The following CYREN variants were observed in gnomAD, a reference collection of about 807,000 sequenced individuals.
CYREN encodes the protein cell cycle regulator of NHEJ.
A neutral mutation model predicts 9.7 loss-of-function variants in CYREN; 7 were observed. The observed-to-expected ratio is 0.72, with a 90% CI of 0.41 to 1.36. CYREN has a LOEUF of 1.36. CYREN is among the 40% of genes most tolerant of loss of function. The pLI is 0.01. For synonymous variants in CYREN, 76 were observed against 77.9 expected (o/e 0.98, Z 0.13); for missense variants, 215 against 198.1 (o/e 1.09, Z -0.51).
intron 2 of CYREN, among the ~76,000 whole-genome samples, chr7:135,153,636 A>G (rs1829717945): frequency 6.6e-6 from 1 of 152,236 alleles, no homozygotes; most frequent in Non-Finnish European, 1.5e-5. Context: ...AACCTGGGGT[A>G]TCATATTTAT....
At chr7:135,096,558 A>AAGAAAGATAGATAGATAGAT (rs1303741491) in intron 2 of CYREN, among the ~76,000 whole-genome samples, 41 of 79,730 alleles carry the variant, frequency 5.1e-4, no homozygotes, top group South Asian at 1.2e-3. Flanking sequence ...GAAAGAAAGA[A>AAGAAAGATAGATAGATAGAT]AGATAGATAG....
At chr7:135,096,604 G>GATAC (rs1822841835) in intron 2 of CYREN, among the ~76,000 whole-genome samples, 1 of 79,722 alleles carries the variant, frequency 1.3e-5, no homozygotes, top group Non-Finnish European at 3.0e-5. Context: ...TAGATAGATA[G>GATAC]ATAGATAGAT....
intron 2 of CYREN, among the ~76,000 whole-genome samples, chr7:135,105,899 C>T (rs1824639900): frequency 6.6e-6 from 1 of 152,014 alleles, no homozygotes; most frequent in South Asian, 2.1e-4. Context: ...GTTTATGTCA[C>T]TTCTGATTTC....
At position 135,167,717 on chromosome 7, in the gene CYREN, C is replaced by T; in HGVS notation, c.213+15G>A. ...AGAGTTTCTGGTCATGAGTAAGAGG[C>T]TTGTCTGACTTTACCTCAATCAGGA... On this transcript the variant is annotated intron_variant, in intron 3 of 3. Transcript: ENST00000393114. 6.2e-7 allele frequency: 1 copy of T among 1,613,800 alleles called. No homozygotes were observed. Among genetic ancestry groups the T allele is most frequent in the South Asian group, 1.1e-5 (1 of 91,060 alleles).
chr7:135,158,435 C>A (rs1829848359), intron 2 of CYREN, among the ~76,000 whole-genome samples: 1 of 152,162 alleles, frequency 6.6e-6, no homozygotes, highest in African/African-American at 2.4e-5. Context: ...GGGAGGAGCA[C>A]CTCACAAGTA....
chr7:135,132,851 C>A (rs777817811), intron 2 of CYREN, among the ~76,000 whole-genome samples: 70 of 152,236 alleles, frequency 4.6e-4, no homozygotes, highest in South Asian at 8.3e-4. Flanking sequence ...AATTACCCAG[C>A]ATTGGGTATG....
intron 2 of CYREN, among the ~76,000 whole-genome samples, chr7:135,158,764 C>T (rs1470120995): frequency 6.6e-6 from 1 of 152,222 alleles, no homozygotes; most frequent in African/African-American, 2.4e-5. Context: ...CACAGCAGGG[C>T]AGCAGACCCT....
chr7:135,129,361 T>G (rs10282402), intron 2 of CYREN: 474,223 of 935,964 alleles, frequency 0.51, 124,262 homozygotes, highest in South Asian at 0.65. Flanking sequence ...AATGAATACC[T>G]GCAAGCAGAT....
intron 2 of CYREN, chr7:135,134,805 A>C: frequency 6.5e-7 from 1 of 1,533,074 alleles, no homozygotes; most frequent in Non-Finnish European, 8.8e-7. Context: ...TAGGTCCATG[A>C]TGGACAAAAA....
At chr7:135,098,144 A>G (rs574136194) in intron 2 of CYREN, among the ~76,000 whole-genome samples, 1 of 152,300 alleles carries the variant, frequency 6.6e-6, no homozygotes, top group Admixed American at 6.5e-5. Flanking sequence ...GACAGTTTTG[A>G]AAAGCTGGAA....
chr7:135,168,476 T>A, intron 2 of CYREN: 1 of 433,410 alleles, frequency 2.3e-6, no homozygotes, highest in Non-Finnish European at 4.1e-6. Flanking sequence ...CCATGTTTGT[T>A]GTAAAGGAAG....
chr7:135,110,151 T>G (rs555178766), intron 2 of CYREN, among the ~76,000 whole-genome samples: 1 of 152,020 alleles, frequency 6.6e-6, no homozygotes, highest in Non-Finnish European at 1.5e-5. Context: ...AGTGGCTGGC[T>G]GGAGTTCCAA....
upstream of CYREN, among the ~76,000 whole-genome samples, chr7:135,172,189 T>C (rs368972574): frequency 1.5e-4 from 23 of 151,464 alleles, no homozygotes; most frequent in African/African-American, 5.3e-4. Flanking sequence ...TTGACTTGGC[T>C]TGACTTGGTA....
At chr7:135,128,858 GA>G in intron 2 of CYREN, 1 of 1,242,974 alleles carries the variant, frequency 8.0e-7, no homozygotes, top group Non-Finnish European at 1.2e-6. Flanking sequence ...TGTTAAATAT[GA>G]TCCAGGAAAT....
intron 2 of CYREN, among the ~76,000 whole-genome samples, chr7:135,105,624 G>A (rs1466640554): frequency 6.6e-6 from 1 of 152,150 alleles, no homozygotes; most frequent in African/African-American, 2.4e-5. Context: ...TGCTGTTTTG[G>A]TTACTATAGC....
chr7:135,104,374 G>C (rs1473855456), intron 2 of CYREN, among the ~76,000 whole-genome samples: 1 of 152,138 alleles, frequency 6.6e-6, no homozygotes, highest in Admixed American at 6.5e-5. Context: ...GCAATGAATA[G>C]CGTTGCAGTG....
intron 2 of CYREN, among the ~76,000 whole-genome samples, chr7:135,113,167 T>C (rs1023946670): frequency 6.6e-6 from 1 of 152,240 alleles, no homozygotes; most frequent in East Asian, 1.9e-4. Flanking sequence ...TTGCCAGATA[T>C]TGTAATCATA....
intron 2 of CYREN, among the ~76,000 whole-genome samples, chr7:135,139,468 T>C (rs10243207): frequency 0.49 from 73,433 of 151,340 alleles, 18,180 homozygotes; most frequent in South Asian, 0.66. Context: ...TATAGATTCT[T>C]AATATTTGAC....
intron 2 of CYREN, among the ~76,000 whole-genome samples, chr7:135,096,393 A>C (rs1161481606): frequency 7.4e-6 from 1 of 135,398 alleles, no homozygotes; most frequent in East Asian, 2.8e-4. Flanking sequence ...GAAGGAAGGA[A>C]GGGAGGGAGG....
Sources: allele counts gnomAD v4.1 joint callset (sites outside exome capture counted in the v4.1 genomes callset), GRCh38; gene constraint gnomAD v4.1.1; transcripts MANE v1.5; gene names NCBI Gene and HGNC (gene_info 2026-07-23, HGNC 2026-07-21).